LARGE1: variants seen among roughly 807,000 people sequenced by gnomAD.
LARGE1 encodes xylosyl- and glucuronyltransferase LARGE1.
A neutral mutation model predicts 87.6 loss-of-function variants in LARGE1; 43 were observed. That is an observed-to-expected ratio of 0.49 (90% CI 0.38 to 0.63). The LOEUF is 0.63. LARGE1 is among the 30% of genes least tolerant of loss of function. LARGE1 has a pLI of 0.00. For synonymous variants in LARGE1, 434 were observed against 394.6 expected (o/e 1.10, Z -1.18); for missense variants, 802 against 1,000.2 (o/e 0.80, Z 2.67).
At chr22:33,089,371 C>CTCCTCCTT in the LARGE1 span, among the ~76,000 whole-genome samples, 189 of 76,090 alleles carry the variant, frequency 2.5e-3, 1 homozygote, top group African/African-American at 0.011. Context: ...TTCTTCTTCT[C>CTCCTCCTT]CTTCTTCTTC....
At chr22:33,330,435 G>C (rs916325958) in intron 10 of LARGE1, among the ~76,000 whole-genome samples, 1 of 152,098 alleles carries the variant, frequency 6.6e-6, no homozygotes, top group Non-Finnish European at 1.5e-5. Flanking sequence ...CAATCCTTGT[G>C]CCTCTGCCTC....
At chr22:33,450,083 T>G (rs994330078) in intron 6 of LARGE1, among the ~76,000 whole-genome samples, 1 of 152,090 alleles carries the variant, frequency 6.6e-6, no homozygotes, top group African/African-American at 2.4e-5. Context: ...GGCTAATTTT[T>G]GTATTTTTAG....
chr22:33,277,342 C>T, intron 13 of LARGE1, 87 bp from the exon 14 acceptor site: 2 of 1,271,694 alleles, frequency 1.6e-6, no homozygotes, highest in Non-Finnish European at 2.2e-6. Flanking sequence ...AAGGGGTGTA[C>T]ACTGATGTAG....
chr22:33,107,390 C>A, the LARGE1 span, among the ~76,000 whole-genome samples: 1 of 152,056 alleles, frequency 6.6e-6, no homozygotes, highest in East Asian at 1.9e-4. Context: ...ATGGCAAAAC[C>A]CCATCTCTAC....
rs1049939532 is a variant in LARGE1 at position 33,331,722 on chromosome 22, T to C, written c.1287+5924A>G. 2.6e-5 allele frequency among the ~76,000 whole-genome samples: 4 copies of C among 152,124 alleles called. No homozygotes were observed. The East Asian group carries it at 7.7e-4, about 29-fold the overall frequency. ...CGCACCTGGCCTGTGCAGCCATTTT[T>C]ATAGTTCTCACACTGACTTCATTTG... On this transcript the variant is annotated intron_variant, in intron 10 of 14. Coordinates refer to ENST00000397394, the MANE Select transcript of LARGE1 (RefSeq NM_133642.5).
At chr22:33,864,060 TTTC>T (rs1377300913) in intron 1 of LARGE1, among the ~76,000 whole-genome samples, 1 of 152,196 alleles carries the variant, frequency 6.6e-6, no homozygotes, top group African/African-American at 2.4e-5. Context: ...GCAGCTCCCC[TTTC>T]TTCTTCCATT....
chr22:33,555,655 G>T (rs1024544199), intron 6 of LARGE1, among the ~76,000 whole-genome samples: 1 of 152,126 alleles, frequency 6.6e-6, no homozygotes, highest in Non-Finnish European at 1.5e-5. Flanking sequence ...AGGGCCAGGC[G>T]TGGTGGCTCA....
chr22:33,230,607 C>G lies in LARGE1; in HGVS notation c.1731-63775G>C, dbSNP rs1013074917. Among the ~76,000 whole-genome samples, 5 of 152,266 alleles carry G rather than the reference C, an allele frequency of 3.3e-5. No individual in the cohort carries two copies. In the East Asian group the frequency reaches 9.7e-4, roughly 29 times the overall value. ...CTGATTTTAGGTTCTTAATCTATTC[C>G]AACTTCTGAGAGAAAATCCCTTCTC... is the stretch of plus-strand genomic sequence containing the variant. On this transcript the variant is annotated intron_variant, in intron 11 of 11. Transcript: ENST00000608642.
At chr22:33,415,249 G>T (rs1314759496) in intron 7 of LARGE1, among the ~76,000 whole-genome samples, 1 of 152,232 alleles carries the variant, frequency 6.6e-6, no homozygotes, top group African/African-American at 2.4e-5. Context: ...CTTCTAATCA[G>T]CATGCAGTAG....
downstream of LARGE1, among the ~76,000 whole-genome samples, chr22:33,161,592 C>T (rs552163012): frequency 6.6e-6 from 1 of 152,320 alleles, no homozygotes; most frequent in Admixed American, 6.5e-5. Flanking sequence ...AAAAGGGTTA[C>T]AGGCCCCATT....
intron 2 of LARGE1, among the ~76,000 whole-genome samples, chr22:33,736,697 A>C (rs1327971504): frequency 1.3e-5 from 2 of 152,202 alleles, no homozygotes; most frequent in Non-Finnish European, 2.9e-5. Flanking sequence ...ATATCTCAGA[A>C]ACCGTTGCCT....
At chr22:33,836,157 T>C (rs1017258543) in intron 1 of LARGE1, among the ~76,000 whole-genome samples, 4 of 152,144 alleles carry the variant, frequency 2.6e-5, no homozygotes, top group African/African-American at 9.7e-5. Context: ...ACAGAGCTGG[T>C]GTGATGGAAA....
intron 2 of LARGE1, among the ~76,000 whole-genome samples, chr22:33,753,771 G>A (rs1384030716): frequency 6.6e-6 from 1 of 152,266 alleles, no homozygotes; most frequent in South Asian, 2.1e-4. Context: ...AAGAAAAGTA[G>A]AGGTCAGGTC....
intron 1 of LARGE1, among the ~76,000 whole-genome samples, chr22:33,830,074 C>T (rs185575215): frequency 1.3e-5 from 2 of 152,150 alleles, no homozygotes; most frequent in Non-Finnish European, 2.9e-5. Context: ...TACCATGTGC[C>T]CACCAGTCAA....
intron 1 of LARGE1, among the ~76,000 whole-genome samples, chr22:33,834,608 T>C (rs1240350720): frequency 1.3e-5 from 2 of 152,198 alleles, no homozygotes; most frequent in African/African-American, 2.4e-5. Flanking sequence ...TCAGCCCGCC[T>C]GCACCCAGGT....
In LARGE1 at chr22:33,274,637, A is replaced by C; in HGVS notation, c.2074-13T>G. ...TGAACTCATACTCCTGGAAGAAGAC[A>C]AGAGCAGCGTGAGAACCCGCAAGAG... On this transcript the variant is annotated splice_polypyrimidine_tract_variant and intron_variant, in intron 14 of 14. Coordinates refer to ENST00000397394, the MANE Select transcript of LARGE1 (RefSeq NM_133642.5). 1.2e-6 allele frequency: 2 copies of C among 1,613,702 alleles called. No homozygotes were observed. The highest frequency in any genetic ancestry group is 8.5e-7 in the Non-Finnish European group (1 of 1,179,602).
intron 1 of LARGE1, among the ~76,000 whole-genome samples, chr22:33,883,693 G>C (rs2064763546): frequency 6.6e-6 from 1 of 152,188 alleles, no homozygotes; most frequent in Non-Finnish European, 1.5e-5. Context: ...TGGCCTGAAG[G>C]CCTTTGCACT....
At chr22:33,861,580 C>G (rs2063924203) in intron 1 of LARGE1, 1 of 152,282 alleles carries the variant, frequency 6.6e-6, no homozygotes, top group African/African-American at 2.4e-5. Context: ...CGCAGACACG[C>G]CTGGCCTCTC....
chr22:33,576,749 G>A (rs532570261), intron 5 of LARGE1, among the ~76,000 whole-genome samples: 1 of 152,262 alleles, frequency 6.6e-6, no homozygotes, highest in Middle Eastern at 3.4e-3. Flanking sequence ...GTAAATAAGT[G>A]TAGTATTTGC....
Sources: gnomAD v4.1 joint callset for allele counts (sites outside exome capture counted in the v4.1 genomes callset) on GRCh38, gnomAD v4.1.1 for gene constraint, MANE v1.5 for transcripts, NCBI Gene and HGNC (gene_info 2026-07-23, HGNC 2026-07-21) for gene names.